DMD: variants seen among roughly 807,000 people sequenced by gnomAD.
The protein encoded by DMD is mutant dystrophin.
Under a neutral mutation model 330.1 loss-of-function variants are expected in DMD, and 63 were observed. The ratio of observed to expected loss-of-function variants is 0.19; its 90% CI spans 0.16 to 0.24. The LOEUF (loss-of-function observed/expected upper bound fraction) is 0.24, where lower values mean the gene tolerates loss of function less well. DMD is among the 10% of genes least tolerant of loss of function. DMD has a pLI of 1.00. For missense variants in DMD, 3,344 were observed against 2,684.1 expected (o/e 1.25, Z -5.43); for synonymous variants, 1,223 against 959.8 (o/e 1.27, Z -5.07).
In DMD at chrX:32,361,233, T is replaced by C. The variant is rs147516059; in HGVS notation, c.5325+1555A>G. ...CATTGTCTTGTTATTACATAAGCCA[T>C]TGATATCTTTAGAAGTAAAAACAAT... On this transcript the variant is annotated intron_variant, in intron 37 of 78. Transcript: ENST00000357033. 2.4e-4 allele frequency among the ~76,000 whole-genome samples: 27 copies of C among 111,913 alleles called. No individual in the cohort carries two copies. The East Asian group carries it at 6.4e-3, about 27-fold the overall frequency.
intron 55 of DMD, among the ~76,000 whole-genome samples, chrX:31,604,249 T>C (rs1250984477): frequency 8.9e-6 from 1 of 112,302 alleles, no homozygotes; most frequent in Non-Finnish European, 1.9e-5. Flanking sequence ...TATTGAAACA[T>C]AGTAACTCAT....
intron 63 of DMD, among the ~76,000 whole-genome samples, chrX:31,260,001 G>A (rs986974104): frequency 9.4e-6 from 1 of 106,311 alleles, no homozygotes; most frequent in African/African-American, 3.3e-5. Context: ...AAGACATGAC[G>A]TTTTTATATT....
intron 1 of DMD, among the ~76,000 whole-genome samples, chrX:33,070,234 C>T (rs1247743733): frequency 1.8e-5 from 2 of 111,524 alleles, no homozygotes; most frequent in Non-Finnish European, 3.8e-5. Flanking sequence ...TACGTAGTCA[C>T]ATGTATATAT....
intron 41 of DMD, among the ~76,000 whole-genome samples, chrX:32,320,067 T>G (rs757657906): frequency 1.8e-5 from 2 of 110,722 alleles, no homozygotes; most frequent in South Asian, 7.5e-4. Flanking sequence ...CAAGAAAAAA[T>G]AAGTATGGAA....
At chrX:32,386,285 G>T in intron 33 of DMD, 25 bp downstream of exon 33, 5 of 1,206,125 alleles carry the variant, frequency 4.1e-6, no homozygotes, top group Non-Finnish European at 5.6e-6. Context: ...GGAAAGAAGT[G>T]TTTGTGGTCT....
At chrX:33,290,061 C>T (rs779741787) in intron 1 of DMD, among the ~76,000 whole-genome samples, 3 of 111,597 alleles carry the variant, frequency 2.7e-5, no homozygotes, top group South Asian at 7.5e-4. Flanking sequence ...ATATTTCTCA[C>T]CTTGGTAAAT....
intron 56 of DMD, among the ~76,000 whole-genome samples, chrX:31,499,236 C>T (rs148484739): frequency 1.8e-5 from 2 of 111,387 alleles, no homozygotes; most frequent in East Asian, 5.7e-4. Context: ...GAGAATATAA[C>T]GATGACTAAT....
At chrX:32,484,846 G>C (rs1158681593) in intron 21 of DMD, 73 bp downstream of exon 21, 7 of 1,042,304 alleles carry the variant, frequency 6.7e-6, no homozygotes, top group Non-Finnish European at 9.3e-6. Flanking sequence ...TTTCATGTTA[G>C]TACCTTCTGG....
chrX:31,260,268 C>T lies in DMD; in HGVS notation c.9286+687G>A, dbSNP rs1273524706. On this transcript the variant is annotated intron_variant, in intron 63 of 78. Transcript: ENST00000357033. The stretch of plus-strand genomic sequence containing the variant: ...AAACAAAACCCAAAACAAGCTGCAA[C>T]TTAAGATAACTCATTTCAGAATATT... Among the ~76,000 whole-genome samples, 2 of 111,632 alleles carry T rather than the reference C, an allele frequency of 1.8e-5. 1 individual carries two copies.
intron 44 of DMD, among the ~76,000 whole-genome samples, chrX:32,078,991 C>T (rs894037587): frequency 2.7e-5 from 3 of 111,775 alleles, no homozygotes; most frequent in Non-Finnish European, 3.8e-5. Context: ...ATACCTAAAC[C>T]CCTTTTTTCT....
rs1569316093 is a variant in DMD, at chrX:32,616,719, TA to T, written c.1332-2267del. Among the ~76,000 whole-genome samples the T allele has an allele frequency of 3.9e-3, 307 of 78,801 alleles. 6 individuals carry two copies. The highest frequency in any genetic ancestry group is 0.027 in the African/African-American group (296 of 10,877). The allele number at this position is 78,801 out of a possible 115,157, so 68.4% of individuals were successfully genotyped here. On this transcript the variant is annotated intron_variant, in intron 11 of 78. Coordinates refer to ENST00000357033, the MANE Select transcript of DMD (RefSeq NM_004006.3). ...TTTTTTTTTTTTTTTTTTTTTTCTT[TA>T]AAGAATGTTACTGAAACCCAAGATC...
intron 7 of DMD, among the ~76,000 whole-genome samples, chrX:32,778,073 T>G (rs2074351967): frequency 9.0e-6 from 1 of 111,610 alleles, no homozygotes; most frequent in Admixed American, 9.6e-5. Context: ...CAACATAGAT[T>G]TGTCAGTTGA....
At chrX:31,425,704 A>G (rs2063673050) in intron 60 of DMD, among the ~76,000 whole-genome samples, 1 of 102,033 alleles carries the variant, frequency 9.8e-6, no homozygotes. Context: ...GTACACACAC[A>G]CACACACGCA....
intron 2 of DMD, among the ~76,000 whole-genome samples, chrX:33,007,917 C>A (rs950493185): frequency 9.0e-6 from 1 of 111,316 alleles, no homozygotes; most frequent in Non-Finnish European, 1.9e-5. Flanking sequence ...CCTTGTAGAT[C>A]GAAGACATTT....
intron 32 of DMD, among the ~76,000 whole-genome samples, chrX:32,388,638 G>C (rs1014586179): frequency 3.8e-4 from 42 of 110,451 alleles, no homozygotes; most frequent in African/African-American, 1.3e-3. Flanking sequence ...GAAGGACTCT[G>C]TTTTTCATTG....
At chrX:32,816,747 G>T in intron 5 of DMD, 107 bp from the exon 6 acceptor site, 3 of 755,498 alleles carry the variant, frequency 4.0e-6, no homozygotes, top group Middle Eastern at 4.4e-4. Flanking sequence ...GAAATTTTAG[G>T]GCCAATTAGT....
Position 31,955,003 on chromosome X carries a change from CAAA to C in DMD, c.6614+13333_6614+13335del, listed in dbSNP as rs530305580. Among the ~76,000 whole-genome samples the C allele has an allele frequency of 4.1e-3, 246 of 60,236 alleles. 2 individuals carry two copies. The highest frequency in any genetic ancestry group is 0.013 in the African/African-American group (223 of 16,996). 52.3% of individuals were successfully genotyped at this position (60,236 alleles called of 115,157 possible). Reference sequence around the variant, plus strand: ...CAACACAGTGAAATCCTGCCTCTACCAAAAAAAAAAAAAAAAAAAAGAAATAGC... The same window carrying C: ...CAACACAGTGAAATCCTGCCTCTACCAAAAAAAAAAAAAAAAAGAAATAGC... On this transcript the variant is annotated intron_variant, in intron 45 of 78. Transcript: ENST00000357033.
chrX:32,883,823 C>CCAAAAAAAAAAAAAAAAAAAAA (rs1169678184), intron 2 of DMD, among the ~76,000 whole-genome samples: 5 of 30,339 alleles, frequency 1.6e-4, no homozygotes, highest in African/African-American at 5.7e-4. Flanking sequence ...GACTCTGTTT[C>CCAAAAAAAAAAAAAAAAAAAAA]AAAAAAAAAA....
At chrX:32,018,923 G>A (rs1333156037) in intron 44 of DMD, among the ~76,000 whole-genome samples, 2 of 111,446 alleles carry the variant, frequency 1.8e-5, no homozygotes, top group African/African-American at 6.5e-5. Context: ...CTTCACAATA[G>A]GTCTCAGTGA....
Sources: gnomAD v4.1 joint callset for allele counts (sites outside exome capture counted in the v4.1 genomes callset) on GRCh38, gnomAD v4.1.1 for gene constraint, MANE v1.5 for transcripts, NCBI Gene and HGNC (gene_info 2026-07-23, HGNC 2026-07-21) for gene names.